Variants in CCDC170 observed in about 807,000 individuals in gnomAD.
The protein encoded by CCDC170 is coiled-coil domain containing 170, also known as coiled-coil domain-containing protein 170.
In CCDC170, 69 loss-of-function variants were observed where a neutral mutation model predicts 72.6. The ratio of observed to expected loss-of-function variants is 0.95; its 90% confidence interval spans 0.78 to 1.16. CCDC170 has a LOEUF of 1.16. Among genes scored for constraint, CCDC170 ranks in the 50% most tolerant of loss-of-function variants. The probability of loss-of-function intolerance (pLI) is 0.00; values close to 1 mark genes in which losing one functional copy is unlikely to be tolerated. For missense variants in CCDC170, 852 were observed against 832.5 expected (o/e 1.02, Z -0.29); for synonymous variants, 300 against 303.9 (o/e 0.99, Z 0.13).
At chr6:151,532,146 C>A (rs1782499051) in intron 1 of CCDC170, among the ~76,000 whole-genome samples, 1 of 137,294 alleles carries the variant, frequency 7.3e-6, no homozygotes, top group African/African-American at 2.5e-5. Context: ...AGTGCAAAAC[C>A]CAGGAGAATC....
chr6:151,578,948 G>A (rs1446027608), intron 6 of CCDC170, among the ~76,000 whole-genome samples: 1 of 152,034 alleles, frequency 6.6e-6, no homozygotes, highest in Non-Finnish European at 1.5e-5. Context: ...AGTTGTCCCT[G>A]GGGAGTGAAT....
chr6:151,508,950 G>A (rs1782102521), intron 1 of CCDC170, among the ~76,000 whole-genome samples: 1 of 151,198 alleles, frequency 6.6e-6, no homozygotes, highest in Non-Finnish European at 1.5e-5. Flanking sequence ...AGGAGGCGGA[G>A]GTTGTGGTGG....
intron 1 of CCDC170, among the ~76,000 whole-genome samples, chr6:151,531,893 A>G (rs142115919): frequency 1.3e-5 from 2 of 152,330 alleles, no homozygotes; most frequent in Non-Finnish European, 2.9e-5. Flanking sequence ...AACAGGGGTA[A>G]CTGCCCCCCA....
intron 9 of CCDC170, among the ~76,000 whole-genome samples, chr6:151,611,319 C>T (rs1776867047): frequency 6.6e-6 from 1 of 151,940 alleles, no homozygotes; most frequent in African/African-American, 2.4e-5. Context: ...TTAAGGCTGC[C>T]ATAACAAAAT....
intron 1 of CCDC170, among the ~76,000 whole-genome samples, chr6:151,531,890 G>A (rs969272731): frequency 3.3e-5 from 5 of 152,272 alleles, no homozygotes; most frequent in Middle Eastern, 3.4e-3. Context: ...GAGAACAGGG[G>A]TAACTGCCCC....
chr6:151,538,109 T>C lies in CCDC170; in HGVS notation c.251T>C (p.Met84Thr). The C allele has an allele frequency of 1.9e-6, 3 of 1,613,578 alleles. No homozygotes were observed. Among genetic ancestry groups the C allele is most frequent in the Non-Finnish European group, 2.5e-6 (3 of 1,179,842 alleles). Reference protein sequence around the residue: ...EVSCQELKAEMESYKENNARK... With the variant: ...EVSCQELKAETESYKENNARK... ...TCCTGTCAAGAACTGAAAGCTGAAA[T>C]GGAGAGCTACAAGGAAAACAATGCC... Residue 84 changes from methionine (M) to threonine (T), a missense_variant, in exon 3 of 11, where the codon ATG (methionine) becomes ACG (threonine). Met to Thr is a moderately conservative substitution (Grantham distance 81). Transcript: ENST00000239374.
At chr6:151,542,575 G>A (rs1444910217) in intron 3 of CCDC170, among the ~76,000 whole-genome samples, 2 of 152,146 alleles carry the variant, frequency 1.3e-5, no homozygotes, top group Non-Finnish European at 2.9e-5. Flanking sequence ...ATACCATAAT[G>A]TACTCAATCA....
intron 5 of CCDC170, among the ~76,000 whole-genome samples, chr6:151,552,779 CTTTTTTTTTTTT>C (rs71014597): frequency 3.5e-4 from 20 of 56,712 alleles, no homozygotes; most frequent in South Asian, 2.3e-3. Flanking sequence ...TCAGCCAATT[CTTTTTTTTTTTT>C]TTTTTTTTTT....
chr6:151,608,212 T>C (rs531722414), intron 9 of CCDC170, among the ~76,000 whole-genome samples: 1 of 152,236 alleles, frequency 6.6e-6, no homozygotes, highest in African/African-American at 2.4e-5. Context: ...GACTTTCTTA[T>C]TCAGATCATG....
intron 5 of CCDC170, among the ~76,000 whole-genome samples, chr6:151,567,547 T>G (rs957440554): frequency 6.6e-6 from 1 of 152,222 alleles, no homozygotes; most frequent in Non-Finnish European, 1.5e-5. Context: ...AAATGTGTTT[T>G]CAAAATCCAT....
rs1562275469 is a variant in CCDC170 at position 151,538,321 on chromosome 6, T to A, written c.443+20T>A. 2 of 1,602,260 alleles carry A rather than the reference T, an allele frequency of 1.2e-6. No individual in the cohort carries two copies. The highest frequency in any genetic ancestry group is 4.5e-5 in the East Asian group (2 of 44,738). On this transcript the variant is annotated intron_variant, in intron 3 of 10. Coordinates refer to ENST00000239374, the MANE Select transcript of CCDC170 (RefSeq NM_025059.4). ...ATTACAGTAAGGATACTGCAATATA[T>A]TTTTCGCTTTAGCTAGCATTAAAAT... is the stretch of plus-strand genomic sequence containing the variant.
intron 1 of CCDC170, among the ~76,000 whole-genome samples, chr6:151,522,358 A>T (rs1334414327): frequency 6.6e-6 from 1 of 152,160 alleles, no homozygotes; most frequent in Non-Finnish European, 1.5e-5. Context: ...AAGAATTAAT[A>T]TGTAGTATGT....
At chr6:151,547,880 A>AT (rs977797930) in intron 4 of CCDC170, among the ~76,000 whole-genome samples, 38 of 152,322 alleles carry the variant, frequency 2.5e-4, no homozygotes, top group African/African-American at 8.9e-4. Flanking sequence ...ATAGAAGAAT[A>AT]TTTTTTTAAA....
At chr6:151,569,823 C>T (rs1405872413) in intron 5 of CCDC170, among the ~76,000 whole-genome samples, 1 of 152,146 alleles carries the variant, frequency 6.6e-6, no homozygotes, top group Non-Finnish European at 1.5e-5. Flanking sequence ...GCGACCATCC[C>T]CAAGGCCTTG....
intron 1 of CCDC170, among the ~76,000 whole-genome samples, chr6:151,499,558 T>G (rs59076735): frequency 1.9e-3 from 148 of 77,260 alleles, no homozygotes; most frequent in African/African-American, 7.5e-3. Flanking sequence ...AGTGGAATCA[T>G]ACTGTATTTG....
chr6:151,499,118 A>T (rs796208454), intron 1 of CCDC170, among the ~76,000 whole-genome samples: 2 of 117,928 alleles, frequency 1.7e-5, no homozygotes, highest in African/African-American at 7.2e-5. Context: ...ATGCTGTATA[A>T]GTGGAATCAT....
At chr6:151,600,719 T>G (rs1040734437) in intron 9 of CCDC170, among the ~76,000 whole-genome samples, 8 of 151,570 alleles carry the variant, frequency 5.3e-5, no homozygotes, top group Admixed American at 3.9e-4. Flanking sequence ...ATTTCTATGG[T>G]TTTTTTTTAA....
intron 1 of CCDC170, among the ~76,000 whole-genome samples, chr6:151,506,426 A>G (rs1386957232): frequency 4.6e-5 from 7 of 152,252 alleles, no homozygotes; most frequent in African/African-American, 1.4e-4. Context: ...CTGTGCTTCT[A>G]TTCGTGAAGG....
At chr6:151,604,526 C>G (rs965351034) in intron 9 of CCDC170, among the ~76,000 whole-genome samples, 7 of 152,096 alleles carry the variant, frequency 4.6e-5, no homozygotes, top group African/African-American at 1.7e-4. Flanking sequence ...TGTAGGATGA[C>G]TATAGTTAAC....
Sources: allele counts gnomAD v4.1 joint callset (sites outside exome capture counted in the v4.1 genomes callset), GRCh38; gene constraint gnomAD v4.1.1; transcripts MANE v1.5; gene names NCBI Gene and HGNC (gene_info 2026-07-23, HGNC 2026-07-21).